The following ARHGAP22 variants were observed in gnomAD, a reference collection of about 807,000 sequenced individuals.
The protein encoded by ARHGAP22 is Rho GTPase activating protein 22.
A neutral mutation model predicts 59.1 loss-of-function variants in ARHGAP22; 48 were observed. That is an observed-to-expected ratio of 0.81 (90% CI 0.64 to 1.03). The LOEUF (loss-of-function observed/expected upper bound fraction) is 1.03, where lower values mean the gene tolerates loss of function less well. ARHGAP22 is among the 50% of genes least tolerant of loss of function. The pLI is 0.00. For synonymous variants in ARHGAP22, 445 were observed against 416.4 expected (o/e 1.07, Z -0.84); for missense variants, 1,015 against 958.7 (o/e 1.06, Z -0.78).
At chr10:48,444,366 A>T (rs1002958760), downstream of ARHGAP22, 2 of 152,258 alleles carry the variant, frequency 1.3e-5, no homozygotes, top group Admixed American at 1.3e-4. Flanking sequence ...TGTGCCTGAC[A>T]GTCAAGTCAG....
intron 1 of ARHGAP22, among the ~76,000 whole-genome samples, chr10:48,602,019 T>C (rs1040778717): frequency 5.3e-5 from 8 of 152,210 alleles, no homozygotes; most frequent in African/African-American, 1.9e-4. Context: ...ATCCCACATT[T>C]ATTGGCTGGG....
intron 3 of ARHGAP22, among the ~76,000 whole-genome samples, chr10:48,539,524 C>A (rs1428025141): frequency 1.3e-5 from 2 of 151,926 alleles, no homozygotes; most frequent in East Asian, 1.9e-4. Context: ...ATCTCCTGAC[C>A]TCGTGATCCG....
chr10:48,487,016 C>T (rs752685565), intron 3 of ARHGAP22, among the ~76,000 whole-genome samples: 13 of 152,118 alleles, frequency 8.5e-5, no homozygotes, highest in Non-Finnish European at 1.5e-4. Flanking sequence ...TTGATTATGA[C>T]GTGCCTCAGT....
At chr10:48,524,860 G>T (rs1354353908) in intron 3 of ARHGAP22, among the ~76,000 whole-genome samples, 1 of 152,156 alleles carries the variant, frequency 6.6e-6, no homozygotes, top group Admixed American at 6.5e-5. Flanking sequence ...CACAAATTAA[G>T]AATTAAGTTA....
chr10:48,509,653 T>G (rs2052546131), intron 3 of ARHGAP22, among the ~76,000 whole-genome samples: 1 of 152,220 alleles, frequency 6.6e-6, no homozygotes, highest in South Asian at 2.1e-4. Context: ...CCAGACTCGC[T>G]GGGCCCTCCC....
chr10:48,447,537 A>G (rs955992590), intron 9 of ARHGAP22, among the ~76,000 whole-genome samples: 4 of 152,136 alleles, frequency 2.6e-5, no homozygotes, highest in African/African-American at 9.7e-5. Flanking sequence ...CGAAGCCTCC[A>G]TCCTCATCAC....
At position 48,482,622 on chromosome 10, in the gene ARHGAP22, T is replaced by C. The variant is rs141890980; in HGVS notation, c.323-2858A>G. ...GTCCTTAATCAGGTTGAGAAAGTTC[T>C]TTTCTATTTCTAATTTGCTGAGAGG... On this transcript the variant is annotated intron_variant, in intron 3 of 9. Coordinates refer to ENST00000249601, the MANE Select transcript of ARHGAP22 (RefSeq NM_021226.4). Among the ~76,000 whole-genome samples the C allele has an allele frequency of 8.4e-3, 1,272 of 152,316 alleles. 17 individuals carry two copies. The highest frequency in any genetic ancestry group is 0.029 in the African/African-American group (1,225 of 41,546).
intron 1 of ARHGAP22, among the ~76,000 whole-genome samples, chr10:48,621,511 C>A (rs948792426): frequency 6.6e-6 from 1 of 152,074 alleles, no homozygotes; most frequent in South Asian, 2.1e-4. Context: ...TTTAGATATG[C>A]CAGATTTGTT....
At chr10:48,544,148 G>C (rs1048929209) in intron 3 of ARHGAP22, among the ~76,000 whole-genome samples, 1 of 152,090 alleles carries the variant, frequency 6.6e-6, no homozygotes, top group South Asian at 2.1e-4. Flanking sequence ...AGGACTGGGT[G>C]GGGTCAGGGG....
At chr10:48,643,196 C>G (rs967348717) in intron 1 of ARHGAP22, among the ~76,000 whole-genome samples, 1 of 152,166 alleles carries the variant, frequency 6.6e-6, no homozygotes, top group Non-Finnish European at 1.5e-5. Context: ...CCTCAAGGAT[C>G]TACAACTAGA....
intron 2 of ARHGAP22, among the ~76,000 whole-genome samples, chr10:48,558,451 C>T (rs1236808777): frequency 6.6e-6 from 1 of 152,070 alleles, no homozygotes; most frequent in African/African-American, 2.4e-5. Flanking sequence ...CAGCCTCTAC[C>T]TACCGGGCTC....
In ARHGAP22 at chr10:48,459,816, A is replaced by C. The variant is rs2046962369; in HGVS notation, c.527T>G (p.Val176Gly). The change falls in exon 5 of 10, where the codon GTG becomes GGG. Residue 176 changes from valine to glycine, a missense_variant. Physicochemically the swap from Val to Gly is moderately radical, Grantham distance 109. Transcript: ENST00000249601. ...CCGGATGAAGTCCACACACTGCTCCACCAGCAGGGGCGCCAGGCGGGGGCC... is the reference window on the plus strand; with the variant it reads ...CCGGATGAAGTCCACACACTGCTCCCCCAGCAGGGGCGCCAGGCGGGGGCC... The part of the protein sequence containing the change: ...KYGPRLAPLL[V>G]EQCVDFIRER... 4 of 1,613,622 alleles carry C rather than the reference A, an allele frequency of 2.5e-6. No homozygotes were observed. Among genetic ancestry groups the C allele is most frequent in the Non-Finnish European group, 3.4e-6 (4 of 1,180,020 alleles).
intron 1 of ARHGAP22, among the ~76,000 whole-genome samples, chr10:48,599,282 C>G (rs568725798): frequency 2.0e-5 from 3 of 152,314 alleles, no homozygotes; most frequent in African/African-American, 7.2e-5. Context: ...GACCCTGGGG[C>G]ACCTCTATCC....
At chr10:48,624,074 T>C (rs1450498018) in intron 1 of ARHGAP22, 1 of 152,260 alleles carries the variant, frequency 6.6e-6, no homozygotes, top group Non-Finnish European at 1.5e-5. Flanking sequence ...AATCTGTCCA[T>C]GTCTCTTTTT....
At chr10:48,461,055 T>C (rs934625962) in intron 4 of ARHGAP22, among the ~76,000 whole-genome samples, 1 of 152,106 alleles carries the variant, frequency 6.6e-6, no homozygotes, top group Non-Finnish European at 1.5e-5. Context: ...TGGAGATGGA[T>C]AGTGCTGATG....
chr10:48,472,134 G>A (rs184038325), intron 4 of ARHGAP22, among the ~76,000 whole-genome samples: 1 of 152,148 alleles, frequency 6.6e-6, no homozygotes, highest in East Asian at 1.9e-4. Context: ...TTGAACCCGG[G>A]GGGGAAGAGG....
In ARHGAP22 at chr10:48,482,267, C is replaced by T. The variant is rs577914732; in HGVS notation, c.323-2503G>A. Among the ~76,000 whole-genome samples the T allele has an allele frequency of 2.0e-5, 3 of 152,274 alleles. No individual in the cohort carries two copies. The East Asian group carries it at 5.8e-4, about 29-fold the overall frequency. On this transcript the variant is annotated intron_variant, in intron 3 of 9. Coordinates refer to ENST00000249601, the MANE Select transcript of ARHGAP22 (RefSeq NM_021226.4). ...GATTTACATGTAGGTCTATGAGTTA[C>T]TTTTTGTATATGGGAGAAGGTGTAA... is the stretch of plus-strand genomic sequence containing the variant.
At chr10:48,451,444 G>C (rs376521601) in intron 8 of ARHGAP22, 5 of 702,864 alleles carry the variant, frequency 7.1e-6, no homozygotes, top group South Asian at 5.9e-5. Context: ...CACCAAGGCT[G>C]CACGGTGAGC....
intron 4 of ARHGAP22, among the ~76,000 whole-genome samples, chr10:48,476,468 T>TA (rs1168635696): frequency 6.6e-6 from 1 of 152,202 alleles, no homozygotes; most frequent in Non-Finnish European, 1.5e-5. Context: ...ACTGATCCTC[T>TA]AAGCCTCCTT....
Sources: allele counts gnomAD v4.1 joint callset (sites outside exome capture counted in the v4.1 genomes callset), GRCh38; gene constraint gnomAD v4.1.1; transcripts MANE v1.5; gene names NCBI Gene and HGNC (gene_info 2026-07-23, HGNC 2026-07-21).